THUMPD2: variants seen among roughly 807,000 people sequenced by gnomAD.
The protein encoded by THUMPD2 is THUMP domain 2 tRNA and snRNA guanosine methyltransferase, also known as U6 snRNA (guanine-N(2))-methyltransferase THUMPD2.
Under a neutral mutation model 49.4 loss-of-function variants are expected in THUMPD2, and 56 were observed. The observed-to-expected ratio is 1.13, with a 90% CI of 0.91 to 1.41. The LOEUF is 1.41. Ranked by LOEUF, THUMPD2 falls within the 40% of genes most tolerant of loss-of-function variation. The probability of loss-of-function intolerance (pLI) is 0.00; values close to 1 mark genes in which losing one functional copy is unlikely to be tolerated. For synonymous variants in THUMPD2, 237 were observed against 205.2 expected (o/e 1.15, Z -1.32); for missense variants, 709 against 594.5 (o/e 1.19, Z -2.00).
intron 5 of THUMPD2, among the ~76,000 whole-genome samples, chr2:39,763,223 T>C (rs567899220): frequency 7.7e-4 from 117 of 152,182 alleles, no homozygotes; most frequent in African/African-American, 2.7e-3. Context: ...CGTCCTAATC[T>C]ATATCTCTAG....
At chr2:39,762,588 T>C (rs1676958572) in intron 5 of THUMPD2, among the ~76,000 whole-genome samples, 1 of 151,924 alleles carries the variant, frequency 6.6e-6, no homozygotes, top group South Asian at 2.1e-4. Flanking sequence ...CAGTACTGTA[T>C]ATATACATTT....
In THUMPD2 at chr2:39,761,403, G is replaced by C. The variant is rs1434515744; in HGVS notation, c.819C>G (p.Ser273Arg). Residue 273 changes from serine to arginine, a missense_variant, in exon 6 of 10, where the codon AGC becomes AGG. Transcript: ENST00000505747. ...GTCCAGCTGTCTTGATGTAAGCTCT[G>C]CTGGCTAGGGAAACCCTACAAAGGA... ...GIPVFRVSLA[S>R]RAYIKTAGLR... The C allele has an allele frequency of 6.2e-7, 1 of 1,613,566 alleles. No homozygotes were observed. The highest frequency in any genetic ancestry group is 1.1e-5 in the South Asian group (1 of 91,062).
chr2:39,774,480 C>A (rs535127501), intron 1 of THUMPD2, among the ~76,000 whole-genome samples: 1 of 152,108 alleles, frequency 6.6e-6, no homozygotes, highest in Non-Finnish European at 1.5e-5. Context: ...GTCACAGTTT[C>A]CAGGAACCTA....
At chr2:39,766,337 T>C (rs1453900149) in intron 4 of THUMPD2, 2 of 336,666 alleles carry the variant, frequency 5.9e-6, no homozygotes, top group Non-Finnish European at 1.1e-5. Context: ...CAATTTATTA[T>C]ATAGGAGAGT....
In THUMPD2 at chr2:39,759,093, A is replaced by G. The variant is rs915505602; in HGVS notation, c.891+2238T>C. On this transcript the variant is annotated intron_variant, in intron 6 of 9. Coordinates refer to ENST00000505747, the MANE Select transcript of THUMPD2 (RefSeq NM_025264.5). ...AGGGCCAAAATATAAAGAGAGGGAA[A>G]TCATGTCAAAAGGATAGGAGACTTG... Among the ~76,000 whole-genome samples, 15 of 152,256 alleles carry G rather than the reference A, an allele frequency of 9.9e-5. No homozygotes were observed. In the East Asian group the frequency reaches 2.7e-3, roughly 27 times the overall value.
At chr2:39,744,274 C>T (rs559115596) in intron 9 of THUMPD2, 96 bp downstream of exon 9, 2 of 622,746 alleles carry the variant, frequency 3.2e-6, no homozygotes, top group South Asian at 6.5e-5. Context: ...TGGGAAATTG[C>T]TAAAAAGCAA....
chr2:39,766,455 C>T (rs1213922781), intron 4 of THUMPD2, among the ~76,000 whole-genome samples: 2 of 152,092 alleles, frequency 1.3e-5, no homozygotes, highest in East Asian at 3.9e-4. Context: ...TCTAAATCCA[C>T]CCTCATTTTA....
At position 39,736,721 on chromosome 2, in the gene THUMPD2, T is replaced by C. The variant is rs147620524; in HGVS notation, c.*14A>G. 9.7e-4 allele frequency: 1,560 copies of C among 1,605,428 alleles called. 15 individuals are homozygous for C. In the African/African-American group the frequency reaches 0.018, roughly 19 times the overall value. Reference sequence around the variant, plus strand: ...CTTACAAGGGCCTGAACCCGGCTGATGGCAGCAAGCCTGCTACAGTCCAGA... The same window carrying C: ...CTTACAAGGGCCTGAACCCGGCTGACGGCAGCAAGCCTGCTACAGTCCAGA... On this transcript the variant is annotated 3_prime_UTR_variant, in exon 10 of 10. Transcript: ENST00000505747.
chr2:39,750,527 C>T (rs1047685564), intron 8 of THUMPD2, among the ~76,000 whole-genome samples: 6 of 152,016 alleles, frequency 3.9e-5, no homozygotes, highest in Non-Finnish European at 5.9e-5. Context: ...GGCAACATGG[C>T]GAAACCTTGT....
At chr2:39,764,031 C>A (rs1269442621) in intron 5 of THUMPD2, among the ~76,000 whole-genome samples, 4 of 152,236 alleles carry the variant, frequency 2.6e-5, no homozygotes, top group Non-Finnish European at 5.9e-5. Context: ...GATTCCTTGC[C>A]TGTAATACCC....
chr2:39,771,652 A>G lies in THUMPD2; in HGVS notation c.127-12T>C, dbSNP rs368132784. On this transcript the variant is annotated splice_polypyrimidine_tract_variant and intron_variant, in intron 1 of 9. Coordinates refer to ENST00000505747, the MANE Select transcript of THUMPD2 (RefSeq NM_025264.5). ...GAAATATATTCAACCTAGAAATAGA[A>G]AAACAGCTTTTAATGTAGTCCAGTG... 4.8e-4 allele frequency: 763 copies of G among 1,599,232 alleles called. 1 individual carries two copies. The highest frequency in any genetic ancestry group is 1.2e-3 in the Admixed American group (66 of 56,046).
At chr2:39,743,934 C>T (rs1332678400) in intron 9 of THUMPD2, among the ~76,000 whole-genome samples, 1 of 152,064 alleles carries the variant, frequency 6.6e-6, no homozygotes, top group Non-Finnish European at 1.5e-5. Context: ...CCTTATTTAA[C>T]AGAATTCTGT....
At chr2:39,776,831 A>T (rs1039464526) in intron 1 of THUMPD2, among the ~76,000 whole-genome samples, 1 of 152,232 alleles carries the variant, frequency 6.6e-6, no homozygotes, top group African/African-American at 2.4e-5. Context: ...TTTCATGTTA[A>T]AATGGTAGCA....
intron 8 of THUMPD2, among the ~76,000 whole-genome samples, chr2:39,747,303 G>A (rs1000371292): frequency 6.6e-6 from 1 of 152,060 alleles, no homozygotes; most frequent in Non-Finnish European, 1.5e-5. Context: ...ACCTTCTCTC[G>A]TTTGGTTGCT....
At chr2:39,749,780 C>G (rs968471055) in intron 8 of THUMPD2, among the ~76,000 whole-genome samples, 7 of 152,012 alleles carry the variant, frequency 4.6e-5, no homozygotes, top group South Asian at 2.1e-4. Context: ...TGACAGACCC[C>G]TGTGTGTGTT....
intron 8 of THUMPD2, among the ~76,000 whole-genome samples, chr2:39,749,760 C>T (rs1675137264): frequency 6.6e-6 from 1 of 152,048 alleles, no homozygotes; most frequent in African/African-American, 2.4e-5. Flanking sequence ...CCTCCCCTCC[C>T]ACCTCCCCCT....
chr2:39,743,358 A>G (rs1028318932), intron 9 of THUMPD2, among the ~76,000 whole-genome samples: 16 of 152,326 alleles, frequency 1.1e-4, no homozygotes, highest in Admixed American at 3.3e-4. Context: ...CATTGTTTCA[A>G]TCTCTCAAAG....
chr2:39,764,849 C>G (rs142725033), intron 5 of THUMPD2, among the ~76,000 whole-genome samples: 1 of 152,304 alleles, frequency 6.6e-6, no homozygotes, highest in East Asian at 1.9e-4. Flanking sequence ...TCATTTTCAA[C>G]TAGTGCTCAT....
chr2:39,775,104 A>G (rs961385198), intron 1 of THUMPD2, among the ~76,000 whole-genome samples: 2 of 151,982 alleles, frequency 1.3e-5, no homozygotes, highest in African/African-American at 4.8e-5. Flanking sequence ...ACATGGTGAG[A>G]CCCTGTTGGT....
Sources: gnomAD v4.1 joint callset for allele counts (sites outside exome capture counted in the v4.1 genomes callset) on GRCh38, gnomAD v4.1.1 for gene constraint, MANE v1.5 for transcripts, NCBI Gene and HGNC (gene_info 2026-07-23, HGNC 2026-07-21) for gene names.